Variants in ARFGEF3 observed in about 807,000 individuals in gnomAD.
ARFGEF3 encodes the protein brefeldin A-inhibited guanine nucleotide-exchange protein 3.
Under a neutral mutation model 221.7 loss-of-function variants are expected in ARFGEF3, and 96 were observed. The ratio of observed to expected loss-of-function variants is 0.43; its 90% CI spans 0.37 to 0.51. The LOEUF (loss-of-function observed/expected upper bound fraction) is 0.51. Ranked by LOEUF, ARFGEF3 falls within the 20% of genes least tolerant of loss-of-function variation. ARFGEF3 has a pLI of 0.00. For missense variants in ARFGEF3, 2,410 were observed against 2,789.9 expected (o/e 0.86, Z 3.07); for synonymous variants, 1,145 against 1,126.8 (o/e 1.02, Z -0.32).
Position 138,340,889 on chromosome 6 carries a change from G to A in ARFGEF3, c.*4403G>A, listed in dbSNP as rs1436608019. ...TTGACATCTCAGATCTGTCTGGGAT[G>A]TTATGGAGGTTTTTAAAAATAAAGT... On this transcript the variant is annotated 3_prime_UTR_variant, in exon 34 of 34. Transcript: ENST00000251691. 2 of 152,152 alleles carry A rather than the reference G, an allele frequency of 1.3e-5. No individual in the cohort carries two copies. Among genetic ancestry groups the A allele is most frequent in the African/African-American group, 4.8e-5 (2 of 41,430 alleles). 9.4% of individuals were successfully genotyped at this position (152,152 alleles called of 1,614,324 possible).
At chr6:138,292,483 A>C (rs1779430181) in intron 19 of ARFGEF3, among the ~76,000 whole-genome samples, 1 of 152,232 alleles carries the variant, frequency 6.6e-6, no homozygotes, top group Non-Finnish European at 1.5e-5. Flanking sequence ...CAAAAATCCC[A>C]CATGCATGTG....
At chr6:138,178,455 G>A (rs1776999681) in intron 2 of ARFGEF3, among the ~76,000 whole-genome samples, 1 of 152,172 alleles carries the variant, frequency 6.6e-6, no homozygotes, top group Admixed American at 6.5e-5. Flanking sequence ...TATCCTTGAA[G>A]ACTGTGCTGA....
At chr6:138,269,722 G>T (rs1028672419) in intron 12 of ARFGEF3, among the ~76,000 whole-genome samples, 1 of 152,062 alleles carries the variant, frequency 6.6e-6, no homozygotes, top group Non-Finnish European at 1.5e-5. Context: ...CAGTAGAATC[G>T]CTTGAACCCA....
intron 5 of ARFGEF3, among the ~76,000 whole-genome samples, chr6:138,232,628 C>T (rs1415059802): frequency 6.6e-6 from 1 of 152,060 alleles, no homozygotes; most frequent in African/African-American, 2.4e-5. Context: ...TCTCAAAGGC[C>T]ATTGTTTTTT....
intron 2 of ARFGEF3, among the ~76,000 whole-genome samples, chr6:138,175,565 A>G (rs1482714858): frequency 6.6e-6 from 1 of 152,198 alleles, no homozygotes; most frequent in African/African-American, 2.4e-5. Flanking sequence ...CCCACTCAGG[A>G]TGTTCCCTAA....
intron 2 of ARFGEF3, among the ~76,000 whole-genome samples, chr6:138,176,436 C>T (rs1445482976): frequency 6.6e-6 from 1 of 152,170 alleles, no homozygotes; most frequent in Non-Finnish European, 1.5e-5. Context: ...CCGCCTCGGC[C>T]TCCCAAAGTG....
At chr6:138,262,623 C>A in intron 11 of ARFGEF3, 78 bp from the exon 12 acceptor site, 3 of 1,416,916 alleles carry the variant, frequency 2.1e-6, no homozygotes, top group Non-Finnish European at 2.9e-6. Flanking sequence ...GTTTGCCAGG[C>A]TAACACTCTT....
intron 26 of ARFGEF3, 125 bp downstream of exon 26, chr6:138,314,064 G>T: frequency 1.0e-6 from 1 of 993,118 alleles, no homozygotes. Flanking sequence ...TGCTATAAGA[G>T]AATACTTGAG....
intron 4 of ARFGEF3, among the ~76,000 whole-genome samples, chr6:138,219,785 T>C (rs187508877): frequency 6.6e-6 from 1 of 151,668 alleles, no homozygotes; most frequent in Admixed American, 6.6e-5. Flanking sequence ...AATTTTGACA[T>C]AGATGTGCGT....
chr6:138,247,282 G>A (rs1290025568), intron 8 of ARFGEF3, among the ~76,000 whole-genome samples: 2 of 152,152 alleles, frequency 1.3e-5, no homozygotes, highest in Non-Finnish European at 2.9e-5. Flanking sequence ...TCCTAACTGA[G>A]GGCTCTAGCA....
At chr6:138,292,188 A>T (rs970706635) in intron 19 of ARFGEF3, 135 bp downstream of exon 19, 3 of 795,972 alleles carry the variant, frequency 3.8e-6, no homozygotes, top group Non-Finnish European at 5.4e-6. Flanking sequence ...TTTCAAGCTT[A>T]GTTCTCTCTA....
At chr6:138,308,972 G>C in intron 24 of ARFGEF3, 111 bp downstream of exon 24, 1 of 1,298,954 alleles carries the variant, frequency 7.7e-7, no homozygotes, top group Non-Finnish European at 1.1e-6. Context: ...CGCATCCTGG[G>C]GTACAAGCAG....
Position 138,323,933 on chromosome 6 carries a change from GTC to G in ARFGEF3, c.4870-87_4870-86del, listed in dbSNP as rs1583067692. Reference sequence around the variant, plus strand: ...AAGAAGTTGCTGGGTCAGTACTTTTGTCTCAGACACAGTGACGATCTCAGATC... The same window carrying G: ...AAGAAGTTGCTGGGTCAGTACTTTTGTCAGACACAGTGACGATCTCAGATC... On this transcript the variant is annotated intron_variant, in intron 30 of 33. Coordinates refer to ENST00000251691, the MANE Select transcript of ARFGEF3 (RefSeq NM_020340.5). 9 of 1,570,626 alleles carry G rather than the reference GTC, an allele frequency of 5.7e-6. No individual in the cohort carries two copies. The East Asian group carries it at 1.8e-4, about 31-fold the overall frequency.
chr6:138,162,438 C>A lies in ARFGEF3; in HGVS notation c.85+267C>A, dbSNP rs949507168. 2.0e-5 allele frequency among the ~76,000 whole-genome samples: 3 copies of A among 152,212 alleles called. No homozygotes were observed. The highest frequency in any genetic ancestry group is 2.9e-5 in the Non-Finnish European group (2 of 68,040). ...CCTGGCGGCCCCCTTCTCCTGGTCC[C>A]GGCGCTGGGGACGATGCTTCCCCAT... is the stretch of plus-strand genomic sequence containing the variant. On this transcript the variant is annotated intron_variant, in intron 1 of 33. Transcript: ENST00000251691. The surrounding 1 kb of genome is among the most constrained non-coding windows in gnomAD (Gnocchi z 4.7).
At position 138,337,839 on chromosome 6, in the gene ARFGEF3, TACAC is replaced by T. The variant is rs1213431566; in HGVS notation, c.*1357_*1360del. 1.3e-5 allele frequency: 2 copies of T among 152,204 alleles called. No individual in the cohort carries two copies. Among genetic ancestry groups the T allele is most frequent in the African/African-American group, 4.8e-5 (2 of 41,440 alleles). 9.4% of individuals were successfully genotyped at this position (152,204 alleles called of 1,614,324 possible). A position where few individuals can be genotyped will look rare whatever the true frequency, so the allele number is the denominator to read the frequency against. ...TGAAAACTCCTCAATCAAGCTTACT[TACAC>T]ACATTCTACAGAGTTATTTAAGGCA... On this transcript the variant is annotated 3_prime_UTR_variant, in exon 34 of 34. Coordinates refer to ENST00000251691, the MANE Select transcript of ARFGEF3 (RefSeq NM_020340.5).
chr6:138,317,063 C>G (rs1281980075), intron 26 of ARFGEF3, among the ~76,000 whole-genome samples, 188 bp from the exon 27 acceptor site: 1 of 152,182 alleles, frequency 6.6e-6, no homozygotes, highest in Non-Finnish European at 1.5e-5. Flanking sequence ...TATTTTTCCC[C>G]TTGACTTTGT....
intron 1 of ARFGEF3, among the ~76,000 whole-genome samples, chr6:138,166,044 A>G (rs2114420190): frequency 6.6e-6 from 1 of 152,312 alleles, no homozygotes; most frequent in South Asian, 2.1e-4. Flanking sequence ...CTGGAAGTAA[A>G]ATTAAGATGC....
chr6:138,331,391 A>G (rs1054539113), intron 32 of ARFGEF3, among the ~76,000 whole-genome samples: 15 of 152,238 alleles, frequency 9.9e-5, no homozygotes, highest in Non-Finnish European at 1.6e-4. Context: ...TGCAGGGGCA[A>G]TTCTTAGTTT....
intron 2 of ARFGEF3, among the ~76,000 whole-genome samples, chr6:138,176,020 T>C (rs1009711491): frequency 2.0e-5 from 3 of 152,158 alleles, no homozygotes; most frequent in Non-Finnish European, 2.9e-5. Flanking sequence ...TTTATTGTTT[T>C]TGATTTAAAG....
Sources: gnomAD v4.1 joint callset for allele counts (sites outside exome capture counted in the v4.1 genomes callset) on GRCh38, gnomAD v4.1.1 for gene constraint, Gnocchi (gnomAD v3.1) non-coding constraint, MANE v1.5 for transcripts, NCBI Gene and HGNC (gene_info 2026-07-23, HGNC 2026-07-21) for gene names.